DSCAML1: variants seen among roughly 807,000 people sequenced by gnomAD.
DSCAML1 encodes the protein DS cell adhesion molecule like 1, also known as cell adhesion molecule DSCAML1.
In DSCAML1, 38 loss-of-function variants were observed where a neutral mutation model predicts 200.5. That is an observed-to-expected ratio of 0.19 (90% CI 0.15 to 0.25). The LOEUF is 0.25. Ranked by LOEUF, DSCAML1 falls within the 10% of genes least tolerant of loss-of-function variation. The probability of loss-of-function intolerance (pLI) is 1.00; values close to 1 mark genes in which losing one functional copy is unlikely to be tolerated. For synonymous variants in DSCAML1, 1,215 were observed against 1,165.0 expected, an observed-to-expected ratio of 1.04 and a Z score of -0.87; for missense variants, 2,223 against 2,858.8, an observed-to-expected ratio of 0.78 and a Z score of 5.07.
intron 11 of DSCAML1, among the ~76,000 whole-genome samples, chr11:117,483,171 G>A (rs2048965439): frequency 6.6e-6 from 1 of 152,194 alleles, no homozygotes; most frequent in Non-Finnish European, 1.5e-5. Context: ...CAGCTGCAGC[G>A]AAACCCTGTC....
intron 3 of DSCAML1, among the ~76,000 whole-genome samples, chr11:117,740,973 G>A (rs1001206078): frequency 6.6e-6 from 1 of 152,270 alleles, no homozygotes; most frequent in Admixed American, 6.5e-5. Context: ...TGTCAGGCAA[G>A]CTGGAGGGGA....
chr11:117,605,247 C>A (rs1490723747), intron 3 of DSCAML1, among the ~76,000 whole-genome samples: 2 of 152,078 alleles, frequency 1.3e-5, no homozygotes, highest in Non-Finnish European at 2.9e-5. Flanking sequence ...CCCACTACCC[C>A]CACCCCAAAG....
chr11:117,668,541 G>T (rs2053028617), intron 3 of DSCAML1: 2 of 152,290 alleles, frequency 1.3e-5, no homozygotes, highest in African/African-American at 4.8e-5. Flanking sequence ...AGGCTGGCCA[G>T]GTCCCTCTCT....
intron 3 of DSCAML1, among the ~76,000 whole-genome samples, chr11:117,618,274 G>C (rs551002620): frequency 1.3e-5 from 2 of 152,290 alleles, no homozygotes; most frequent in South Asian, 4.1e-4. Flanking sequence ...CACCTCCATT[G>C]ATGGGGAGCT....
intron 22 of DSCAML1, 66 bp from the exon 23 acceptor site, chr11:117,439,495 C>G: frequency 3.2e-6 from 5 of 1,560,294 alleles, no homozygotes; most frequent in Admixed American, 1.8e-5. Flanking sequence ...GGCCCTCCCC[C>G]CGGTGTGTGA....
At chr11:117,623,893 A>T (rs1252260017) in intron 3 of DSCAML1, among the ~76,000 whole-genome samples, 1 of 152,218 alleles carries the variant, frequency 6.6e-6, no homozygotes, top group Non-Finnish European at 1.5e-5. Flanking sequence ...ATGCTGACTC[A>T]TCTGAATAAC....
At position 117,480,499 on chromosome 11, in the gene DSCAML1, C is replaced by T. The variant is rs754618507; in HGVS notation, c.2729G>A (p.Arg910Gln). The change falls in exon 14 of 33, where the codon CGA becomes CAA. Residue 910 changes from arginine to glutamine, a missense_variant. Physicochemically the swap from Arg to Gln is conservative, Grantham distance 43. Around this residue, in one of 7 missense-constraint regions of DSCAML1, gnomAD observed 438 missense variants for 629.7 expected, o/e 0.70. Transcript: ENST00000651296. The surrounding 1 kb of genome is among the most constrained non-coding windows in gnomAD (Gnocchi z 4.1). ...CGTGATGATGCTGTTCCCGTCGAAT[C>T]GCTGGGTCCAGCGCAGGTTCATGCT... is the stretch of plus-strand genomic sequence containing the variant. ...ARSMNLRWTQRFDGNSIITGF... is the reference protein window; with the variant it reads ...ARSMNLRWTQQFDGNSIITGF... 1.2e-5 allele frequency: 20 copies of T among 1,610,776 alleles called. No individual in the cohort carries two copies. Among genetic ancestry groups the T allele is most frequent in the Middle Eastern group, 1.6e-4 (1 of 6,078 alleles).
chr11:117,746,471 C>CT (rs1473485538), intron 3 of DSCAML1, among the ~76,000 whole-genome samples: 1 of 152,050 alleles, frequency 6.6e-6, no homozygotes, highest in Non-Finnish European at 1.5e-5. Context: ...TTCTCTTGGA[C>CT]CCAGGAGGCC....
intron 3 of DSCAML1, among the ~76,000 whole-genome samples, chr11:117,655,555 A>C (rs1014508494): frequency 3.3e-5 from 5 of 152,212 alleles, no homozygotes; most frequent in Non-Finnish European, 5.9e-5. Context: ...GCAAAAGTGC[A>C]ATCCATATTT....
At chr11:117,696,719 G>A (rs191369440) in intron 3 of DSCAML1, among the ~76,000 whole-genome samples, 24 of 152,218 alleles carry the variant, frequency 1.6e-4, no homozygotes, top group Admixed American at 7.8e-4. Context: ...TTTCCCAAGC[G>A]TCTATTTAAT....
At chr11:117,765,129 G>A (rs990653115) in intron 3 of DSCAML1, among the ~76,000 whole-genome samples, 4 of 152,234 alleles carry the variant, frequency 2.6e-5, no homozygotes, top group African/African-American at 9.6e-5. Context: ...CACTAAGTGT[G>A]AGAGGAAACA....
chr11:117,694,748 G>A (rs1487979620), intron 3 of DSCAML1, among the ~76,000 whole-genome samples: 1 of 152,246 alleles, frequency 6.6e-6, no homozygotes, highest in African/African-American at 2.4e-5. Context: ...CATCCTGGTT[G>A]GGGGTTAAGG....
At chr11:117,723,039 T>C (rs2137799681) in intron 3 of DSCAML1, among the ~76,000 whole-genome samples, 1 of 152,336 alleles carries the variant, frequency 6.6e-6, no homozygotes, top group Non-Finnish European at 1.5e-5. Flanking sequence ...TTTCCTCATC[T>C]GTAAGATGAG....
rs367763141 is a variant in DSCAML1 at position 117,685,362 on chromosome 11, C to G, written c.511+91429G>C. On this transcript the variant is annotated intron_variant, in intron 3 of 32. Transcript: ENST00000651296. ...AAGCGGCTATCTTCATGTCTCCACC[C>G]TTCCGCTTAATTCCTTACCTCCTCT... Among the ~76,000 whole-genome samples, 13 of 152,328 alleles carry G rather than the reference C, an allele frequency of 8.5e-5. No individual in the cohort carries two copies. In the East Asian group the frequency reaches 2.1e-3, roughly 25 times the overall value.
intron 18 of DSCAML1, among the ~76,000 whole-genome samples, chr11:117,460,611 C>T (rs556479140): frequency 9.9e-4 from 151 of 152,266 alleles, no homozygotes; most frequent in African/African-American, 3.5e-3. Context: ...CTCCAGGTCA[C>T]GTGAAGGTCT....
intron 1 of DSCAML1, among the ~76,000 whole-genome samples, chr11:117,812,239 T>C (rs1246643163): frequency 6.6e-6 from 1 of 152,088 alleles, no homozygotes; most frequent in East Asian, 1.9e-4. Flanking sequence ...TAATCACCCT[T>C]ACCCCACTCA....
intron 1 of DSCAML1, among the ~76,000 whole-genome samples, chr11:117,810,542 C>T (rs1282806674): frequency 1.3e-5 from 2 of 152,132 alleles, no homozygotes; most frequent in Non-Finnish European, 2.9e-5. Context: ...AGGCTTGCCT[C>T]CTTCACTATG....
intron 3 of DSCAML1, among the ~76,000 whole-genome samples, chr11:117,698,499 G>A (rs961830563): frequency 2.6e-5 from 4 of 152,102 alleles, no homozygotes; most frequent in African/African-American, 9.7e-5. Flanking sequence ...TTCCAGAATG[G>A]CTACACAATT....
intron 14 of DSCAML1, among the ~76,000 whole-genome samples, chr11:117,476,417 A>G (rs2048792787): frequency 1.3e-5 from 2 of 152,122 alleles, no homozygotes; most frequent in South Asian, 4.1e-4. Flanking sequence ...CAGCACGGAG[A>G]AGAGGCCTCC....
Sources: gnomAD v4.1 joint callset for allele counts (sites outside exome capture counted in the v4.1 genomes callset) on GRCh38, gnomAD v4.1.1 for gene constraint, gnomAD v4.1.1 regional missense constraint, Gnocchi (gnomAD v3.1) non-coding constraint, MANE v1.5 for transcripts, NCBI Gene and HGNC (gene_info 2026-07-23, HGNC 2026-07-21) for gene names.